The following PID1 variants were observed in gnomAD, a reference collection of about 807,000 sequenced individuals.
The protein encoded by PID1 is phosphotyrosine interaction domain containing 1.
A neutral mutation model predicts 19.1 loss-of-function variants in PID1; 10 were observed. That is an observed-to-expected ratio of 0.52 (90% CI 0.32 to 0.89). PID1 has a LOEUF of 0.89. PID1 is among the 40% of genes least tolerant of loss of function. The pLI is 0.03. For synonymous variants in PID1, 130 were observed against 116.0 expected, an observed-to-expected ratio of 1.12 and a Z score of -0.78; for missense variants, 248 against 285.3, an observed-to-expected ratio of 0.87 and a Z score of 0.94.
At chr2:229,223,292 T>G (rs566395396) in intron 1 of PID1, among the ~76,000 whole-genome samples, 3 of 152,226 alleles carry the variant, frequency 2.0e-5, no homozygotes, top group Admixed American at 1.3e-4. Context: ...CATCATTATT[T>G]TAATCTGCAT....
chr2:229,210,914 T>C (rs1037413051), intron 1 of PID1, among the ~76,000 whole-genome samples: 5 of 152,176 alleles, frequency 3.3e-5, no homozygotes, highest in African/African-American at 4.8e-5. Context: ...TTTGAGCCAA[T>C]AGGATTTAAT....
intron 2 of PID1, among the ~76,000 whole-genome samples, chr2:229,148,263 T>C (rs1690176269): frequency 6.6e-6 from 1 of 152,188 alleles, no homozygotes; most frequent in South Asian, 2.1e-4. Context: ...GGACCTGCGG[T>C]GAAGAAGTTT....
intron 1 of PID1, among the ~76,000 whole-genome samples, chr2:229,247,242 C>G (rs973956310): frequency 4.6e-5 from 7 of 152,276 alleles, no homozygotes; most frequent in Middle Eastern, 3.4e-3. Flanking sequence ...ATCTCTCACA[C>G]AGAAACAAAG....
At chr2:229,072,542 C>T (rs933719995) in intron 2 of PID1, among the ~76,000 whole-genome samples, 6 of 151,398 alleles carry the variant, frequency 4.0e-5, no homozygotes, top group African/African-American at 7.3e-5. Flanking sequence ...GAGCTAAGAT[C>T]GCACCACATC....
chr2:229,129,803 A>G (rs2106166596), intron 2 of PID1, among the ~76,000 whole-genome samples: 1 of 152,250 alleles, frequency 6.6e-6, no homozygotes, highest in East Asian at 2.0e-4. Flanking sequence ...GGCTGACTGC[A>G]TGAGCTAACA....
At chr2:229,101,867 T>G (rs1355147320) in intron 2 of PID1, among the ~76,000 whole-genome samples, 1 of 152,166 alleles carries the variant, frequency 6.6e-6, no homozygotes, top group African/African-American at 2.4e-5. Context: ...TAATGTTATA[T>G]TACATGTTAC....
intron 2 of PID1, among the ~76,000 whole-genome samples, chr2:229,104,258 CAT>C (rs1695130906): frequency 1.3e-5 from 2 of 152,288 alleles, no homozygotes; most frequent in South Asian, 4.1e-4. Flanking sequence ...CACCACAGCA[CAT>C]GTCTTTGTGG....
At chr2:229,031,327 G>A (rs191793460) in intron 2 of PID1, among the ~76,000 whole-genome samples, 45 of 151,978 alleles carry the variant, frequency 3.0e-4, no homozygotes, top group African/African-American at 9.2e-4. Flanking sequence ...GGAAGCCAAA[G>A]TGGGTGGATC....
In PID1 at chr2:229,134,231, G is replaced by GTT. The variant is rs60513006; in HGVS notation, c.177+21585_177+21586dup. On this transcript the variant is annotated intron_variant, in intron 2 of 2. Coordinates refer to ENST00000392055, the MANE Select transcript of PID1 (RefSeq NM_001100818.2). The stretch of plus-strand genomic sequence containing the variant: ...TTCAATAACAATGTTTACTACCTGT[G>GTT]TTTTTTTTTTTTTTTTTTTTTGAGA... Among the ~76,000 whole-genome samples the GTT allele has an allele frequency of 7.7e-3, 844 of 109,154 alleles. 32 individuals are homozygous for GTT. Among genetic ancestry groups the GTT allele is most frequent in the African/African-American group, 0.021 (593 of 27,842 alleles). The allele number at this position is 109,154 out of a possible 152,430, so 71.6% of individuals were successfully genotyped here.
intron 2 of PID1, among the ~76,000 whole-genome samples, chr2:229,031,214 T>TAAAAAAAAAAAAA (rs1274567780): frequency 1.0e-3 from 25 of 24,962 alleles, no homozygotes; most frequent in African/African-American, 3.6e-3. Flanking sequence ...AGACTCTGTC[T>TAAAAAAAAAAAAA]CAAAAAAAAA....
intron 2 of PID1, among the ~76,000 whole-genome samples, chr2:229,068,490 A>C (rs774642721): frequency 1.7e-4 from 26 of 152,222 alleles, no homozygotes; most frequent in Non-Finnish European, 3.2e-4. Flanking sequence ...CTTTACAAAA[A>C]TTGACAAGTA....
intron 1 of PID1, among the ~76,000 whole-genome samples, chr2:229,222,633 G>C (rs1329788918): frequency 6.9e-6 from 1 of 145,366 alleles, no homozygotes; most frequent in Non-Finnish European, 1.6e-5. Flanking sequence ...GTCCTCCCCA[G>C]GGTACACAAG....
At chr2:229,171,661 T>C (rs559644019) in intron 1 of PID1, among the ~76,000 whole-genome samples, 1 of 152,348 alleles carries the variant, frequency 6.6e-6, no homozygotes, top group East Asian at 1.9e-4. Context: ...CCTCACTACC[T>C]ACGAAATGTC....
chr2:229,180,542 G>T (rs1361153140), intron 1 of PID1, among the ~76,000 whole-genome samples: 1 of 152,148 alleles, frequency 6.6e-6, no homozygotes, highest in Non-Finnish European at 1.5e-5. Context: ...ACTGGAAATG[G>T]AGGTTTCCAT....
intron 2 of PID1, among the ~76,000 whole-genome samples, chr2:229,034,646 C>T (rs1013625891): frequency 2.6e-5 from 4 of 152,018 alleles, no homozygotes; most frequent in Non-Finnish European, 5.9e-5. Context: ...CTTCCTGTAC[C>T]CTGGAGACAC....
At chr2:229,200,996 C>A (rs1032733280) in intron 1 of PID1, among the ~76,000 whole-genome samples, 1 of 151,950 alleles carries the variant, frequency 6.6e-6, no homozygotes, top group African/African-American at 2.4e-5. Flanking sequence ...TGCTTCGATA[C>A]CATGAAGCCT....
At chr2:229,091,068 A>G (rs573730042) in intron 2 of PID1, among the ~76,000 whole-genome samples, 1 of 152,284 alleles carries the variant, frequency 6.6e-6, no homozygotes, top group South Asian at 2.1e-4. Flanking sequence ...TTTCCCTTTT[A>G]AACTTTATCT....
At chr2:229,269,083 C>A (rs1195064423) in intron 1 of PID1, among the ~76,000 whole-genome samples, 1 of 152,174 alleles carries the variant, frequency 6.6e-6, no homozygotes, top group African/African-American at 2.4e-5. Flanking sequence ...TATGTACTTT[C>A]AAAAGAGACT....
At position 229,111,154 on chromosome 2, in the gene PID1, T is replaced by C. The variant is rs140862108; in HGVS notation, c.177+44664A>G. 6.7e-3 allele frequency among the ~76,000 whole-genome samples: 1,019 copies of C among 152,300 alleles called. 13 individuals are homozygous for C. The highest frequency in any genetic ancestry group is 0.024 in the African/African-American group (980 of 41,556). On this transcript the variant is annotated intron_variant, in intron 2 of 2. Transcript: ENST00000392055. ...TGAGGCCTCCCCAGCCACATGGAAC[T>C]GTGAGTCCATTAAACCTCTTTTTCT... is the stretch of plus-strand genomic sequence containing the variant.
Sources: gnomAD v4.1 joint callset for allele counts (sites outside exome capture counted in the v4.1 genomes callset) on GRCh38, gnomAD v4.1.1 for gene constraint, MANE v1.5 for transcripts, NCBI Gene and HGNC (gene_info 2026-07-23, HGNC 2026-07-21) for gene names.